MGAT4C: variants seen among roughly 807,000 people sequenced by gnomAD.
MGAT4C encodes MGAT4 family member C.
In MGAT4C, 19 loss-of-function variants were observed where a neutral mutation model predicts 40.1. The observed-to-expected ratio is 0.47, with a 90% CI of 0.33 to 0.70. MGAT4C has a LOEUF of 0.70. Among genes scored for constraint, MGAT4C ranks in the 30% least tolerant of loss-of-function variants. MGAT4C has a pLI of 0.02. For synonymous variants in MGAT4C, 181 were observed against 187.1 expected (o/e 0.97, Z 0.27); for missense variants, 491 against 563.2 (o/e 0.87, Z 1.30).
chr12:86,606,041 G>T (rs2136467470), intron 2 of MGAT4C, among the ~76,000 whole-genome samples: 1 of 152,216 alleles, frequency 6.6e-6, no homozygotes, highest in Non-Finnish European at 1.5e-5. Context: ...TTACAAGGCT[G>T]CAGGAAGGAG....
intron 1 of MGAT4C, among the ~76,000 whole-genome samples, chr12:86,121,063 AC>A (rs1879301005): frequency 6.6e-6 from 1 of 152,230 alleles, no homozygotes; most frequent in African/African-American, 2.4e-5. Flanking sequence ...GACCTGATGG[AC>A]CTGAAAACCA....
At position 85,959,098 on chromosome 12, in the gene MGAT4C, A is replaced by G. The variant is rs555186357; in HGVS notation, c.*20191T>C. 1 of 151,758 alleles carries G rather than the reference A, an allele frequency of 6.6e-6. No homozygotes were observed. Among genetic ancestry groups the G allele is most frequent in the East Asian group, 1.9e-4 (1 of 5,178 alleles). The allele number at this position is 151,758 out of a possible 1,614,324, so 9.4% of individuals were successfully genotyped here. ...AATACAATACAATACATGTAGACTC[A>G]GCATCCAAACTTTATTTTACCTTCA... is the stretch of plus-strand genomic sequence containing the variant. On this transcript the variant is annotated 3_prime_UTR_variant, in exon 5 of 5. Transcript: ENST00000611864.
intron 2 of MGAT4C, among the ~76,000 whole-genome samples, chr12:86,669,306 C>T (rs1219025871): frequency 6.6e-6 from 1 of 151,768 alleles, no homozygotes; most frequent in African/African-American, 2.4e-5. Flanking sequence ...CTTTCCTGTG[C>T]AGAGATCCAG....
At chr12:86,318,960 CTA>C (rs1954309822) in intron 4 of MGAT4C, among the ~76,000 whole-genome samples, 1 of 152,118 alleles carries the variant, frequency 6.6e-6, no homozygotes, top group South Asian at 2.1e-4. Context: ...TTTTTAAAGT[CTA>C]TGCTTTTTCC....
At chr12:86,796,822 T>C (rs756888666) in intron 1 of MGAT4C, among the ~76,000 whole-genome samples, 1 of 151,910 alleles carries the variant, frequency 6.6e-6, no homozygotes, top group Non-Finnish European at 1.5e-5. Flanking sequence ...TTTGAGGAAA[T>C]GCATATGTTA....
chr12:86,593,770 A>G (rs1442710209), intron 2 of MGAT4C, among the ~76,000 whole-genome samples: 2 of 151,954 alleles, frequency 1.3e-5, no homozygotes, highest in Admixed American at 6.6e-5. Context: ...TTTCGGCTGC[A>G]TATTTGTCTA....
rs554314249 is a variant in MGAT4C at position 86,769,094 on chromosome 12, G to A, written c.-261-41853C>T. 3.9e-5 allele frequency among the ~76,000 whole-genome samples: 6 copies of A among 152,108 alleles called. 1 individual carries two copies. In the South Asian group the frequency reaches 1.2e-3, roughly 32 times the overall value. On this transcript the variant is annotated intron_variant, in intron 1 of 7. Coordinates refer to the MGAT4C transcript ENST00000548651. ...GAGTGAACAGGCAACCTACAAAATG[G>A]GAGAACATTTCTGCAACCTACCTAT...
intron 3 of MGAT4C, among the ~76,000 whole-genome samples, chr12:86,425,910 CTG>C (rs1350038299): frequency 1.3e-5 from 2 of 152,068 alleles, no homozygotes; most frequent in African/African-American, 2.4e-5. Flanking sequence ...AATATTTAAA[CTG>C]TTTTAATAAA....
At chr12:86,077,656 T>C (rs1299806868) in intron 1 of MGAT4C, among the ~76,000 whole-genome samples, 1 of 152,192 alleles carries the variant, frequency 6.6e-6, no homozygotes, top group African/African-American at 2.4e-5. Context: ...AGTTTTTTCC[T>C]GATGGAGTGA....
chr12:85,979,315 T>C lies in MGAT4C; in HGVS notation c.1411A>G (p.Arg471Gly). ...TAAGAAGTCCAAATGCTAATACTCCTAATAATTAGCCATTCCTTTTGTGTT... is the reference window on the plus strand; with the variant it reads ...TAAGAAGTCCAAATGCTAATACTCCCAATAATTAGCCATTCCTTTTGTGTT... ...TKTQKEWLII[R>G]SISIWTS Residue 471 changes from arginine to glycine, a missense_variant, in exon 5 of 5, where the codon AGG (arginine) becomes GGG (glycine). Coordinates refer to ENST00000611864, the MANE Select transcript of MGAT4C (RefSeq NM_001351288.2). 1 of 1,605,894 alleles carries C rather than the reference T, an allele frequency of 6.2e-7. No individual in the cohort carries two copies. The highest frequency in any genetic ancestry group is 8.5e-7 in the Non-Finnish European group (1 of 1,174,888).
intron 1 of MGAT4C, among the ~76,000 whole-genome samples, chr12:86,136,838 C>T (rs530778111): frequency 6.6e-6 from 1 of 152,198 alleles, no homozygotes; most frequent in African/African-American, 2.4e-5. Flanking sequence ...CAGGCACACA[C>T]TACCACGCCT....
chr12:86,665,703 C>T (rs1964088950), intron 2 of MGAT4C, among the ~76,000 whole-genome samples: 1 of 152,098 alleles, frequency 6.6e-6, no homozygotes, highest in Non-Finnish European at 1.5e-5. Flanking sequence ...ACAAAATATA[C>T]AATATTTTTA....
chr12:86,042,867 C>CAAAAAAAAA (rs140809256), intron 2 of MGAT4C, among the ~76,000 whole-genome samples: 1 of 107,978 alleles, frequency 9.3e-6, no homozygotes, highest in Non-Finnish European at 1.8e-5. Flanking sequence ...GACTCTGTCT[C>CAAAAAAAAA]AAAAAAAAAA....
chr12:86,687,077 T>C (rs546706748), intron 2 of MGAT4C, among the ~76,000 whole-genome samples: 9 of 152,340 alleles, frequency 5.9e-5, no homozygotes, highest in South Asian at 4.1e-4. Flanking sequence ...CTTTGGATGA[T>C]GCATGTGTCC....
chr12:86,754,920 A>C (rs1056859030), intron 1 of MGAT4C, among the ~76,000 whole-genome samples: 2 of 152,064 alleles, frequency 1.3e-5, no homozygotes, highest in Non-Finnish European at 2.9e-5. Flanking sequence ...GTATTCAATC[A>C]GACTTTAGTT....
chr12:86,162,957 A>G (rs1405692936), intron 1 of MGAT4C, among the ~76,000 whole-genome samples: 1 of 152,174 alleles, frequency 6.6e-6, no homozygotes, highest in Non-Finnish European at 1.5e-5. Context: ...TAAAAGTTGT[A>G]TAGCTATATT....
intron 1 of MGAT4C, among the ~76,000 whole-genome samples, chr12:86,737,744 C>T (rs1056052888): frequency 1.3e-5 from 2 of 150,700 alleles, no homozygotes; most frequent in Non-Finnish European, 3.0e-5. Flanking sequence ...TTCTTTCCTT[C>T]CAGTTTCCCA....
chr12:86,588,386 C>G (rs7485637), intron 2 of MGAT4C, among the ~76,000 whole-genome samples: 88 of 151,014 alleles, frequency 5.8e-4, no homozygotes, highest in African/African-American at 1.7e-3. Context: ...AATACAGGAG[C>G]ACCCAGATTC....
chr12:86,138,326 A>G (rs370416971), intron 1 of MGAT4C, among the ~76,000 whole-genome samples: 23 of 149,164 alleles, frequency 1.5e-4, no homozygotes, highest in African/African-American at 5.7e-4. Context: ...TTTTTTCACT[A>G]CCCTAGACTT....
Sources: allele counts gnomAD v4.1 joint callset (sites outside exome capture counted in the v4.1 genomes callset), GRCh38; gene constraint gnomAD v4.1.1; transcripts MANE v1.5; gene names NCBI Gene and HGNC (gene_info 2026-07-23, HGNC 2026-07-21).